Variants in URB1 observed in about 807,000 individuals in gnomAD.
The protein encoded by URB1 is URB1 ribosome biogenesis factor.
A neutral mutation model predicts 242.3 loss-of-function variants in URB1; 197 were observed. The observed-to-expected ratio is 0.81, with a 90% CI of 0.72 to 0.91. URB1 has a LOEUF of 0.91. URB1 is among the 40% of genes least tolerant of loss of function. URB1 has a pLI of 0.00. For missense variants in URB1, 2,721 were observed against 2,860.5 expected (o/e 0.95, Z 1.11); for synonymous variants, 1,153 against 1,201.8 (o/e 0.96, Z 0.84).
chr21:32,316,781 A>T lies in URB1; in HGVS notation c.6319T>A (p.Ser2107Thr), dbSNP rs966155542. 13 of 1,549,366 alleles carry T rather than the reference A, an allele frequency of 8.4e-6. No homozygotes were observed. The African/African-American group carries it at 1.2e-4, about 15-fold the overall frequency. ...ASLAVSWVLR[S>T]VAEHPLSRAE... ...CTGCTGAGCGGGTGCTCGGCCACCG[A>T]CCGCAGCACCCAACTGACTGCCAGG... Residue 2107 changes from serine to threonine, a missense_variant, in exon 38 of 39, where the codon TCG (serine) becomes ACG (threonine). Ser to Thr is a moderately conservative substitution (Grantham distance 58, BLOSUM62 1). Transcript: ENST00000382751.
At chr21:32,339,513 C>T (rs1483290391) in intron 25 of URB1, among the ~76,000 whole-genome samples, 4 of 143,706 alleles carry the variant, frequency 2.8e-5, no homozygotes, top group Non-Finnish European at 4.5e-5. Flanking sequence ...TTTTTTGAGA[C>T]GGAGTCTCGC....
intron 1 of URB1, among the ~76,000 whole-genome samples, chr21:32,388,618 G>A (rs542775422): frequency 6.9e-4 from 105 of 152,348 alleles, no homozygotes; most frequent in Non-Finnish European, 1.1e-3. Context: ...TCTGACCAAG[G>A]TGACTGTGAG....
intron 23 of URB1, 110 bp downstream of exon 23, chr21:32,345,264 C>A: frequency 8.3e-7 from 1 of 1,211,474 alleles, no homozygotes; most frequent in South Asian, 1.5e-5. Flanking sequence ...TGCCTGATCA[C>A]AGATGGGGCA....
At position 32,320,648 on chromosome 21, in the gene URB1, C is replaced by G; in HGVS notation, c.5485-8G>C. 2 of 1,542,728 alleles carry G rather than the reference C, an allele frequency of 1.3e-6. No homozygotes were observed. The highest frequency in any genetic ancestry group is 1.8e-6 in the Non-Finnish European group (2 of 1,139,768). On this transcript the variant is annotated splice_polypyrimidine_tract_variant and splice_region_variant and intron_variant, in intron 34 of 38. Transcript: ENST00000382751. ...AATTTCCAGAATCCAATTCTGAAAA[C>G]CCCAAACAAGAAGTTACTCTTCAGT...
At chr21:32,351,187 G>A (rs904325539) in intron 19 of URB1, among the ~76,000 whole-genome samples, 1 of 152,202 alleles carries the variant, frequency 6.6e-6, no homozygotes. Context: ...GGAGAACAAG[G>A]CAGAAGCCTG....
intron 2 of URB1, among the ~76,000 whole-genome samples, chr21:32,384,877 A>T (rs1014625980): frequency 2.3e-4 from 35 of 152,310 alleles, no homozygotes; most frequent in African/African-American, 7.9e-4. Context: ...GCTACTTGGG[A>T]GGCTGAGGCA....
chr21:32,339,734 G>C (rs1022826653), intron 25 of URB1, among the ~76,000 whole-genome samples: 1 of 151,906 alleles, frequency 6.6e-6, no homozygotes, highest in East Asian at 1.9e-4. Context: ...CTCGTGATCC[G>C]CCCGCCTCAG....
At position 32,366,660 on chromosome 21, in the gene URB1, C is replaced by A; in HGVS notation, c.1293G>T (p.Val431=). The change falls in exon 10 of 39, where the codon GTG becomes GTT. Residue 431 remains valine, a synonymous_variant. Transcript: ENST00000382751. ...RLLAMVMVTT[V]PLVCNKSMFT... Reference sequence around the variant, plus strand: ...ACATGCTCTTATTGCACACCAGGGGCACGGTGGTCACCATCACCATTGCCA... The same window carrying A: ...ACATGCTCTTATTGCACACCAGGGGAACGGTGGTCACCATCACCATTGCCA... 6.4e-7 allele frequency: 1 copy of A among 1,551,476 alleles called. No individual in the cohort carries two copies. The highest frequency in any genetic ancestry group is 8.7e-7 in the Non-Finnish European group (1 of 1,146,834).
At chr21:32,359,952 T>C (rs904618287) in intron 13 of URB1, 44 bp from the exon 14 acceptor site, 15 of 1,529,454 alleles carry the variant, frequency 9.8e-6, no homozygotes, top group Non-Finnish European at 1.3e-5. Context: ...CACATGGACG[T>C]GGGTGCCCAA....
chr21:32,333,425 A>G lies in URB1; in HGVS notation c.4858-6T>C, dbSNP rs77588974. On this transcript the variant is annotated splice_region_variant and splice_polypyrimidine_tract_variant and intron_variant, in intron 29 of 38. Transcript: ENST00000382751. ...AATATCAGCTCCTGTGTGTCCTGAAAGAGCCAAAATCAACAAAAACGTGTG... is the reference window on the plus strand; with the variant it reads ...AATATCAGCTCCTGTGTGTCCTGAAGGAGCCAAAATCAACAAAAACGTGTG... 12,041 of 1,549,598 alleles carry G rather than the reference A, an allele frequency of 7.8e-3. 429 individuals carry two copies. In the East Asian group the frequency reaches 0.099, roughly 13 times the overall value.
intron 5 of URB1, among the ~76,000 whole-genome samples, chr21:32,375,715 T>C (rs1601154766): frequency 1.3e-5 from 2 of 151,756 alleles, no homozygotes; most frequent in Admixed American, 6.6e-5. Flanking sequence ...GAGGCCAAGG[T>C]GGGAGGATCC....
At chr21:32,366,365 T>TG (rs2033346728) in intron 10 of URB1, among the ~76,000 whole-genome samples, 2 of 152,194 alleles carry the variant, frequency 1.3e-5, no homozygotes, top group African/African-American at 4.8e-5. Context: ...TGCTGTGTGA[T>TG]GGAGCAGGGC....
rs767999875 is a variant in URB1 at position 32,311,331 on chromosome 21, A to C, written c.*3587T>G. The C allele has an allele frequency of 7.7e-6, 2 of 258,472 alleles. No individual in the cohort carries two copies. Among genetic ancestry groups the C allele is most frequent in the South Asian group, 9.5e-5 (1 of 10,548 alleles). The allele number at this position is 258,472 out of a possible 1,614,324, so 16.0% of individuals were successfully genotyped here. On this transcript the variant is annotated 3_prime_UTR_variant, in exon 39 of 39. Transcript: ENST00000382751. ...AGCCAAACCATATCACCAAGATACA[A>C]GTTGGCTTGGGCTATGGATATAAAA...
chr21:32,315,043 G>T lies in URB1; in HGVS notation c.6691C>A (p.Arg2231=). 8 of 1,550,164 alleles carry T rather than the reference G, an allele frequency of 5.2e-6. No homozygotes were observed. Among genetic ancestry groups the T allele is most frequent in the Non-Finnish European group, 7.0e-6 (8 of 1,146,080 alleles). ...ACGTGGGTTAAGAGGGTGTCCGGCC[G>T]CTGAGCCCCCAGCCAGATGTCCTTT... is the stretch of plus-strand genomic sequence containing the variant. ...YIKDIWLGAQ[R]PDTLLTHVRM... The change falls in exon 39 of 39, where the codon CGG becomes AGG. Residue 2231 remains arginine, a synonymous_variant. Coordinates refer to ENST00000382751, the MANE Select transcript of URB1 (RefSeq NM_014825.3).
In URB1 at chr21:32,355,080, C is replaced by A; in HGVS notation, c.2107-83G>T. On this transcript the variant is annotated intron_variant, in intron 16 of 38. Transcript: ENST00000382751. ...GCCAAAAAATGTCACTGGTCAAAAT[C>A]AAGGCAAGTGATAATATGTTCAATC... 10 of 1,435,092 alleles carry A rather than the reference C, an allele frequency of 7.0e-6. No individual in the cohort carries two copies. In the South Asian group the frequency reaches 1.4e-4, roughly 20 times the overall value. 88.9% of individuals were successfully genotyped at this position (1,435,092 alleles called of 1,614,324 possible). A position where few individuals can be genotyped will look rare whatever the true frequency, so the allele number is the denominator to read the frequency against.
At chr21:32,318,705 C>G (rs2123541069) in intron 36 of URB1, among the ~76,000 whole-genome samples, 1 of 152,286 alleles carries the variant, frequency 6.6e-6, no homozygotes, top group South Asian at 2.1e-4. Flanking sequence ...GGAAATTTAG[C>G]TCTTCTGAGG....
intron 30 of URB1, among the ~76,000 whole-genome samples, chr21:32,327,720 AG>A (rs2032846134): frequency 6.6e-6 from 1 of 152,246 alleles, no homozygotes; most frequent in African/African-American, 2.4e-5. Context: ...CAAGAATAGC[AG>A]AAAAGCCAGA....
intron 3 of URB1, among the ~76,000 whole-genome samples, chr21:32,383,824 T>G (rs772284138): frequency 6.6e-6 from 1 of 152,246 alleles, no homozygotes; most frequent in Non-Finnish European, 1.5e-5. Flanking sequence ...TGAGCCACTG[T>G]GTGATCAATA....
At position 32,383,487 on chromosome 21, in the gene URB1, C is replaced by G. The variant is rs777023658; in HGVS notation, c.502G>C (p.Val168Leu). The part of the protein sequence containing the change: ...VTQGPEAARD[V>L]CSHFDLNKKT... The stretch of plus-strand genomic sequence containing the variant: ...TTATTCAAATCAAAATGGCTGCAGA[C>G]GTCCCTGGCAGCTTCCGGACCCTGG... Residue 168 changes from valine (V) to leucine (L), a missense_variant, in exon 4 of 39, where the codon GTC (valine) becomes CTC (leucine). Coordinates refer to ENST00000382751, the MANE Select transcript of URB1 (RefSeq NM_014825.3). The G allele has an allele frequency of 9.0e-6, 14 of 1,551,456 alleles. No individual in the cohort carries two copies. The African/African-American group carries it at 1.9e-4, about 21-fold the overall frequency.
Sources: gnomAD v4.1 joint callset for allele counts (sites outside exome capture counted in the v4.1 genomes callset) on GRCh38, gnomAD v4.1.1 for gene constraint, MANE v1.5 for transcripts, NCBI Gene and HGNC (gene_info 2026-07-23, HGNC 2026-07-21) for gene names.